SRGAP3: variants seen among roughly 807,000 people sequenced by gnomAD.
SRGAP3 encodes SLIT-ROBO Rho GTPase activating protein 3.
SRGAP3 carries 39 observed loss-of-function variants against 121.1 expected under a neutral mutation model. The ratio of observed to expected loss-of-function variants is 0.32; its 90% confidence interval spans 0.25 to 0.42. The LOEUF (loss-of-function observed/expected upper bound fraction) is 0.42. Ranked by LOEUF, SRGAP3 falls within the 10% of genes least tolerant of loss-of-function variation. The probability of loss-of-function intolerance (pLI) is 1.00; values close to 1 mark genes in which losing one functional copy is unlikely to be tolerated. For missense variants in SRGAP3, 1,213 were observed against 1,470.6 expected, an observed-to-expected ratio of 0.82 and a Z score of 2.86; for synonymous variants, 601 against 570.0, an observed-to-expected ratio of 1.05 and a Z score of -0.77.
chr3:9,025,629 G>A (rs770892024), intron 13 of SRGAP3, among the ~76,000 whole-genome samples: 5 of 152,176 alleles, frequency 3.3e-5, no homozygotes, highest in Non-Finnish European at 4.4e-5. Context: ...ACACAGACAT[G>A]TTCTGCCTTC....
intron 2 of SRGAP3, among the ~76,000 whole-genome samples, chr3:9,111,471 AG>A (rs1214159029): frequency 6.6e-6 from 1 of 152,208 alleles, no homozygotes; most frequent in African/African-American, 2.4e-5. Flanking sequence ...AACTAAGTAA[AG>A]AACAGCCTGG....
At chr3:9,136,396 C>A (rs1473264122) in intron 1 of SRGAP3, among the ~76,000 whole-genome samples, 1 of 40,876 alleles carries the variant, frequency 2.4e-5, no homozygotes, top group African/African-American at 1.5e-4. Flanking sequence ...TCGCTGGGAC[C>A]CCCCCCCCCC....
At chr3:8,991,092 T>G (rs1399387290) in intron 20 of SRGAP3, among the ~76,000 whole-genome samples, 4 of 152,180 alleles carry the variant, frequency 2.6e-5, no homozygotes, top group Admixed American at 2.6e-4. Context: ...CAGACAGCTG[T>G]GCCGCCAACC....
chr3:9,331,154 A>G (rs1955598843), intron 1 of SRGAP3, among the ~76,000 whole-genome samples: 1 of 152,156 alleles, frequency 6.6e-6, no homozygotes, highest in African/African-American at 2.4e-5. Flanking sequence ...AAGAATGTGG[A>G]TTGCTTATAA....
At chr3:9,256,063 T>C (rs1178095804) in intron 3 of SRGAP3, among the ~76,000 whole-genome samples, 2 of 151,692 alleles carry the variant, frequency 1.3e-5, no homozygotes, top group East Asian at 1.9e-4. Flanking sequence ...GACCCTGCAA[T>C]GCACACAGGA....
At chr3:9,108,234 T>A (rs1948486485) in intron 2 of SRGAP3, among the ~76,000 whole-genome samples, 1 of 152,056 alleles carries the variant, frequency 6.6e-6, no homozygotes, top group Non-Finnish European at 1.5e-5. Flanking sequence ...CCAGGACCCA[T>A]CCAAGACAAA....
At chr3:9,171,157 G>A (rs1040103347) in intron 1 of SRGAP3, among the ~76,000 whole-genome samples, 3 of 152,204 alleles carry the variant, frequency 2.0e-5, no homozygotes, top group Non-Finnish European at 4.4e-5. Flanking sequence ...ATGAGAACCT[G>A]AAAAAGTCCT....
chr3:9,139,245 C>T (rs1949768064), intron 1 of SRGAP3, among the ~76,000 whole-genome samples: 3 of 152,268 alleles, frequency 2.0e-5, no homozygotes, highest in South Asian at 4.2e-4. Context: ...TGAATAATGA[C>T]CCCCAAGAGA....
intron 10 of SRGAP3, among the ~76,000 whole-genome samples, chr3:9,044,461 C>T (rs1045562172): frequency 1.1e-4 from 17 of 152,180 alleles, no homozygotes; most frequent in Non-Finnish European, 2.2e-4. Flanking sequence ...ATTTGCTCAG[C>T]GTGCTCATCA....
chr3:9,059,673 C>T, intron 6 of SRGAP3: 2 of 202,890 alleles, frequency 9.9e-6, no homozygotes, highest in Non-Finnish European at 1.0e-5. Context: ...GCGTGTCCTG[C>T]ACAGCGGGTA....
rs145685058 is a variant in SRGAP3 at position 9,281,189 on chromosome 3, T to C, written n.442+44821A>G. Among the ~76,000 whole-genome samples, 45 of 152,232 alleles carry C rather than the reference T, an allele frequency of 3.0e-4. No homozygotes were observed. In the East Asian group the frequency reaches 6.2e-3, roughly 21 times the overall value. On this transcript the variant is annotated intron_variant and non_coding_transcript_variant, in intron 3 of 3. Coordinates refer to the SRGAP3 transcript ENST00000490889. ...ACTCACAGTGATAGCATTAAGAATA[T>C]GGGTTATGAAAATTACAGTATCAGG... is the stretch of plus-strand genomic sequence containing the variant.
chr3:9,043,388 A>T (rs1450279129), intron 10 of SRGAP3, among the ~76,000 whole-genome samples: 5 of 152,120 alleles, frequency 3.3e-5, no homozygotes, highest in Non-Finnish European at 5.9e-5. Flanking sequence ...CAGGGACCTT[A>T]CCTTTCTCGT....
intron 14 of SRGAP3, among the ~76,000 whole-genome samples, chr3:9,022,842 A>G (rs1228278202): frequency 6.6e-6 from 1 of 152,186 alleles, no homozygotes; most frequent in Non-Finnish European, 1.5e-5. Flanking sequence ...TGAGGAAAAG[A>G]AAAAGGAAAA....
upstream of SRGAP3, among the ~76,000 whole-genome samples, chr3:9,250,103 A>C (rs753258237): frequency 6.6e-6 from 1 of 152,222 alleles, no homozygotes; most frequent in Non-Finnish European, 1.5e-5. Context: ...GAGCAGGCAC[A>C]CTGGAGGCAG....
intron 3 of SRGAP3, among the ~76,000 whole-genome samples, chr3:9,321,565 C>G (rs772811535): frequency 5.9e-5 from 9 of 151,828 alleles, no homozygotes; most frequent in Non-Finnish European, 1.0e-4. Flanking sequence ...GAAGTGACAG[C>G]AGTCGGGTTT....
Position 9,099,974 on chromosome 3 carries a change from G to T in SRGAP3, c.423+4706C>A, listed in dbSNP as rs1054338847. Among the ~76,000 whole-genome samples, 11 of 152,346 alleles carry T rather than the reference G, an allele frequency of 7.2e-5. 1 individual carries two copies. In the South Asian group the frequency reaches 1.9e-3, roughly 26 times the overall value. Reference sequence around the variant, plus strand: ...GCAGAGACAGCGTGCCTAGGCTGACGGGGCTGGCAGCCACTCAGCTACCGC... The same window carrying T: ...GCAGAGACAGCGTGCCTAGGCTGACTGGGCTGGCAGCCACTCAGCTACCGC... On this transcript the variant is annotated intron_variant, in intron 3 of 21. Coordinates refer to ENST00000383836, the MANE Select transcript of SRGAP3 (RefSeq NM_014850.4).
In SRGAP3 at chr3:8,985,125, C is replaced by CGTACATACGTATACATGT; in HGVS notation, c.*376_*393dup. Reference sequence around the variant, plus strand: ...ATATATATACACACACCTACAGACACGTACATACGTATACATGTGTATATA... The same window carrying CGTACATACGTATACATGT: ...ATATATATACACACACCTACAGACACGTACATACGTATACATGTGTACATACGTATACATGTGTATATA... On this transcript the variant is annotated 3_prime_UTR_variant, in exon 22 of 22. Coordinates refer to ENST00000383836, the MANE Select transcript of SRGAP3 (RefSeq NM_014850.4). The surrounding 1 kb of genome is among the most constrained non-coding windows in gnomAD (Gnocchi z 5.1). 3.4e-6 allele frequency: 1 copy of CGTACATACGTATACATGT among 293,742 alleles called. No individual in the cohort carries two copies. Among genetic ancestry groups the CGTACATACGTATACATGT allele is most frequent in the Non-Finnish European group, 6.3e-6 (1 of 157,958 alleles). The allele number at this position is 293,742 out of a possible 1,614,324, so 18.2% of individuals were successfully genotyped here.
intron 1 of SRGAP3, among the ~76,000 whole-genome samples, chr3:9,351,536 C>T (rs2030153370): frequency 6.6e-6 from 1 of 152,112 alleles, no homozygotes; most frequent in Non-Finnish European, 1.5e-5. Flanking sequence ...GGATTGAACC[C>T]CATATTCCCT....
At position 9,329,645 on chromosome 3, in the gene SRGAP3, G is replaced by A. The variant is rs73811471; in HGVS notation, n.283+883C>T. ...GCAAGTATTGCCTATGGCAGGGTGC[G>A]GAAGGTGAAGAGCTCAGGGAGGCCA... is the stretch of plus-strand genomic sequence containing the variant. On this transcript the variant is annotated intron_variant and non_coding_transcript_variant, in intron 2 of 3. Coordinates refer to the SRGAP3 transcript ENST00000490889. Among the ~76,000 whole-genome samples, 648 of 152,246 alleles carry A rather than the reference G, an allele frequency of 4.3e-3. 4 individuals carry two copies. The highest frequency in any genetic ancestry group is 0.014 in the African/African-American group (588 of 41,540).
Sources: allele counts gnomAD v4.1 joint callset (sites outside exome capture counted in the v4.1 genomes callset), GRCh38; gene constraint gnomAD v4.1.1; non-coding constraint Gnocchi (gnomAD v3.1); transcripts MANE v1.5; gene names NCBI Gene and HGNC (gene_info 2026-07-23, HGNC 2026-07-21).